Variants in RIF1 observed in about 807,000 individuals in gnomAD.
RIF1 encodes replication timing regulatory factor 1, also known as telomere-associated protein RIF1.
In RIF1, 45 loss-of-function variants were observed where a neutral mutation model predicts 247.1. The observed-to-expected ratio is 0.18, with a 90% CI of 0.14 to 0.23. The LOEUF is 0.23. RIF1 is among the 10% of genes least tolerant of loss of function. The pLI is 1.00. For synonymous variants in RIF1, 1,087 were observed against 978.8 expected (o/e 1.11, Z -2.06); for missense variants, 2,967 against 2,862.5 (o/e 1.04, Z -0.83).
At chr2:151,420,627 C>T (rs1688002259) in intron 7 of RIF1, among the ~76,000 whole-genome samples, 1 of 150,678 alleles carries the variant, frequency 6.6e-6, no homozygotes, top group Non-Finnish European at 1.5e-5. Flanking sequence ...GTCTCAGATG[C>T]TTGGGAGACT....
intron 10 of RIF1, chr2:151,497,618 C>CAAAGT (rs2061144960): frequency 1.9e-6 from 3 of 1,562,832 alleles, no homozygotes; most frequent in South Asian, 1.2e-5. Flanking sequence ...CTTTTCTTGC[C>CAAAGT]AAAGTACCGA....
chr2:151,417,575 A>G (rs1404812138), intron 6 of RIF1, among the ~76,000 whole-genome samples: 5 of 152,196 alleles, frequency 3.3e-5, no homozygotes. Context: ...GAAAAATTGC[A>G]TCTGTATTGA....
chr2:151,526,310 T>TA, the RIF1 span: 8 of 1,242,822 alleles, frequency 6.4e-6, no homozygotes, highest in South Asian at 1.0e-4. Flanking sequence ...CTGGATATCC[T>TA]ACATATTTTT....
chr2:151,531,542 C>T, the RIF1 span, among the ~76,000 whole-genome samples: 25 of 152,240 alleles, frequency 1.6e-4, no homozygotes, highest in Middle Eastern at 3.4e-3. Flanking sequence ...GTCTCAAACT[C>T]GTGGCCTCAA....
intron 18 of RIF1, among the ~76,000 whole-genome samples, chr2:151,444,435 A>T (rs2432940): frequency 6.6e-6 from 1 of 151,934 alleles, no homozygotes; most frequent in Admixed American, 6.6e-5. Context: ...TCAGCCTCCC[A>T]AATGGCTGGG....
At position 151,461,209 on chromosome 2, in the gene RIF1, T is replaced by C. The variant is rs556661540; in HGVS notation, c.3147T>C (p.Phe1049=). The C allele has an allele frequency of 5.6e-6, 9 of 1,613,386 alleles. No individual in the cohort carries two copies. In the East Asian group the frequency reaches 6.7e-5, roughly 12 times the overall value. The change falls in exon 27 of 36, where the codon TTT becomes TTC. Residue 1049 remains phenylalanine (F), a synonymous_variant. Transcript: ENST00000444746. The part of the protein sequence containing the change: ...ILLEEEKSTD[F]VFIPPEGKDA... ...TGGAAGAGGAAAAGTCTACTGACTT[T>C]GTGTTTATACCTCCAGAAGGAAAAG...
intron 22 of RIF1, 77 bp downstream of exon 22, chr2:151,455,236 C>G: frequency 8.9e-7 from 1 of 1,123,464 alleles, no homozygotes; most frequent in Non-Finnish European, 1.3e-6. Flanking sequence ...ATTTTTTAAT[C>G]AGCTGTGTTG....
intron 20 of RIF1, among the ~76,000 whole-genome samples, chr2:151,446,945 CTTTTT>C (rs71403169): frequency 2.2e-5 from 3 of 137,648 alleles, no homozygotes; most frequent in Non-Finnish European, 4.6e-5. Context: ...TTTTCTCTTT[CTTTTT>C]TTTTTTTTTT....
At chr2:151,488,478 C>CA (rs567755362) in intron 9 of RIF1, among the ~76,000 whole-genome samples, 1,771 of 95,634 alleles carry the variant, frequency 0.019, 16 homozygotes, top group African/African-American at 0.045. Context: ...GAGCCTCTAC[C>CA]AAAAAAAAAA....
intron 6 of RIF1, among the ~76,000 whole-genome samples, chr2:151,419,085 G>A (rs1687724618): frequency 6.8e-6 from 1 of 146,108 alleles, no homozygotes; most frequent in Admixed American, 7.1e-5. Context: ...TCCACATCTT[G>A]TCATACTGAA....
At chr2:151,514,908 A>G in the RIF1 span, 1 of 1,573,238 alleles carries the variant, frequency 6.4e-7, no homozygotes, top group Non-Finnish European at 8.6e-7. Flanking sequence ...TGGACTCTTC[A>G]TAATCTTTCC....
intron 33 of RIF1, among the ~76,000 whole-genome samples, chr2:151,469,288 T>C (rs1697433807): frequency 6.6e-6 from 1 of 152,188 alleles, no homozygotes; most frequent in South Asian, 2.1e-4. Context: ...CTTGAGATAG[T>C]TTCTCTTTAA....
rs1323487135 is a variant in RIF1, at chr2:151,459,993, A to T, written c.2956-7A>T. On this transcript the variant is annotated splice_region_variant and splice_polypyrimidine_tract_variant and intron_variant, in intron 25 of 35. Coordinates refer to ENST00000444746, the MANE Select transcript of RIF1 (RefSeq NM_018151.5). ...TTAATGAAATTGTTTCATTTTTAAT[A>T]AAACAGACAGAAAATTCACAACTAA... 1.3e-6 allele frequency: 2 copies of T among 1,525,088 alleles called. No individual in the cohort carries two copies. Among genetic ancestry groups the T allele is most frequent in the Admixed American group, 2.2e-5 (1 of 44,852 alleles). The allele number at this position is 1,525,088 out of a possible 1,614,324, so 94.5% of individuals were successfully genotyped here. A position where few individuals can be genotyped will look rare whatever the true frequency, so the allele number is the denominator to read the frequency against.
chr2:151,456,710 T>A, intron 23 of RIF1, 90 bp downstream of exon 23: 1 of 752,042 alleles, frequency 1.3e-6, no homozygotes, highest in Non-Finnish European at 2.2e-6. Context: ...TTCTGCTGAT[T>A]TTTAAAGGGG....
intron 3 of RIF1, 113 bp from the exon 4 acceptor site, chr2:151,414,708 CAA>C: frequency 1.5e-6 from 1 of 654,982 alleles, no homozygotes; most frequent in Admixed American, 3.0e-5. Flanking sequence ...TGCGTATTCT[CAA>C]GGATTTGTTG....
At position 151,463,101 on chromosome 2, in the gene RIF1, C is replaced by G. The variant is rs1696438904; in HGVS notation, c.3581C>G (p.Ser1194Cys). ...STECASSTEN[S>C]FVVSSSSVSN... ...GAATGTGCATCTAGTACAGAAAATT[C>G]TTTCGTTGTCAGCAGTAGTTCAGTT... Residue 1194 changes from serine (S) to cysteine (C), a missense_variant, in exon 30 of 36, where the codon TCT (serine) becomes TGT (cysteine). Physicochemically the swap from Ser to Cys is moderately radical, Grantham distance 112 (BLOSUM62 -1). Around this residue, in one of 7 missense-constraint regions of RIF1, gnomAD observed 2,028 missense variants for 1,825.6 expected, o/e 1.11. Transcript: ENST00000444746. 8 of 1,613,878 alleles carry G rather than the reference C, an allele frequency of 5.0e-6. No individual in the cohort carries two copies. Among genetic ancestry groups the G allele is most frequent in the Non-Finnish European group, 6.8e-6 (8 of 1,179,952 alleles).
the RIF1 span, among the ~76,000 whole-genome samples, chr2:151,525,696 T>C: frequency 6.6e-6 from 1 of 152,206 alleles, no homozygotes; most frequent in Non-Finnish European, 1.5e-5. Flanking sequence ...CAATGTTTCC[T>C]TCTGTTATTA....
the RIF1 span, chr2:151,514,749 C>A: frequency 9.0e-7 from 1 of 1,115,548 alleles, no homozygotes; most frequent in Non-Finnish European, 1.3e-6. Flanking sequence ...GTAGGAGGAA[C>A]ACATTAATGA....
At chr2:151,503,835 T>G (rs1447727177) in intron 12 of RIF1, among the ~76,000 whole-genome samples, 1 of 152,204 alleles carries the variant, frequency 6.6e-6, no homozygotes, top group Non-Finnish European at 1.5e-5. Flanking sequence ...CATAGGATAC[T>G]CTATTCCTTC....
Sources: allele counts gnomAD v4.1 joint callset (sites outside exome capture counted in the v4.1 genomes callset), GRCh38; gene constraint gnomAD v4.1.1; regional missense constraint gnomAD v4.1.1; transcripts MANE v1.5; gene names NCBI Gene and HGNC (gene_info 2026-07-23, HGNC 2026-07-21).